The following TUBGCP3 variants were observed in gnomAD, a reference collection of about 807,000 sequenced individuals.
The protein encoded by TUBGCP3 is tubulin gamma complex component 3.
A neutral mutation model predicts 123.1 loss-of-function variants in TUBGCP3; 50 were observed. The observed-to-expected ratio is 0.41, with a 90% CI of 0.32 to 0.51. The LOEUF (loss-of-function observed/expected upper bound fraction) is 0.51, where lower values mean the gene tolerates loss of function less well. Among genes scored for constraint, TUBGCP3 ranks in the 20% least tolerant of loss-of-function variants. The probability of loss-of-function intolerance (pLI) is 0.36; values close to 1 mark genes in which losing one functional copy is unlikely to be tolerated. For missense variants in TUBGCP3, 882 were observed against 1,127.0 expected, an observed-to-expected ratio of 0.78 and a Z score of 3.11; for synonymous variants, 405 against 413.9, an observed-to-expected ratio of 0.98 and a Z score of 0.26.
chr13:112,568,740 G>A (rs1211644329), intron 2 of TUBGCP3, among the ~76,000 whole-genome samples: 1 of 152,246 alleles, frequency 6.6e-6, no homozygotes, highest in Admixed American at 6.5e-5. Flanking sequence ...TAAGGATGAA[G>A]AGCTGGCCAC....
the TUBGCP3 span, among the ~76,000 whole-genome samples, chr13:112,596,102 C>A: frequency 6.6e-6 from 1 of 152,154 alleles, no homozygotes; most frequent in Non-Finnish European, 1.5e-5. Flanking sequence ...ATAAATATTT[C>A]CTCTACAAAC....
intron 5 of TUBGCP3, 58 bp from the exon 6 acceptor site, chr13:112,556,282 G>A (rs946179110): frequency 6.5e-7 from 1 of 1,530,612 alleles, no homozygotes; most frequent in African/African-American, 1.4e-5. Context: ...AGACAAAAGT[G>A]TCCCTAGAAA....
At chr13:112,547,315 A>T in intron 10 of TUBGCP3, 1 of 405,616 alleles carries the variant, frequency 2.5e-6, no homozygotes, top group Non-Finnish European at 4.3e-6. Flanking sequence ...CTCCATCTCA[A>T]TGCCAGCCCG....
chr13:112,501,031 C>G (rs1880869177), intron 19 of TUBGCP3, among the ~76,000 whole-genome samples: 1 of 152,214 alleles, frequency 6.6e-6, no homozygotes, highest in African/African-American at 2.4e-5. Context: ...CTCTCTTTCA[C>G]TTACTACAAT....
rs542613425 is a variant in TUBGCP3, at chr13:112,588,103, G to A, written c.-123C>T. The A allele has an allele frequency of 2.9e-5, 24 of 836,184 alleles. No individual in the cohort carries two copies. Among genetic ancestry groups the A allele is most frequent in the East Asian group, 2.0e-4 (6 of 29,550 alleles). The allele number at this position is 836,184 out of a possible 1,614,324, so 51.8% of individuals were successfully genotyped here. A position where few individuals can be genotyped will look rare whatever the true frequency, so the allele number is the denominator to read the frequency against. ...CCCTGCTCCTGACAGGCTAAGGCGC[G>A]GGCGCCGCCGGCCACCAGGGCGCCA... On this transcript the variant is annotated 5_prime_UTR_variant, in exon 1 of 22. Coordinates refer to ENST00000261965, the MANE Select transcript of TUBGCP3 (RefSeq NM_006322.6).
rs146770476 is a variant in TUBGCP3, at chr13:112,490,008, C to T, written c.2449-311G>A. On this transcript the variant is annotated intron_variant, in intron 20 of 21. Transcript: ENST00000261965. ...TTTCATGGGATGAACAGCCTTCTATCCTTCCCTCGTGCTGTACACGTTTTT... is the reference window on the plus strand; with the variant it reads ...TTTCATGGGATGAACAGCCTTCTATTCTTCCCTCGTGCTGTACACGTTTTT... Among the ~76,000 whole-genome samples the T allele has an allele frequency of 3.8e-4, 58 of 150,812 alleles. 1 individual carries two copies. Among genetic ancestry groups the T allele is most frequent in the Middle Eastern group, 6.8e-3 (2 of 294 alleles).
At chr13:112,551,974 T>C (rs1365084827) in intron 8 of TUBGCP3, among the ~76,000 whole-genome samples, 3 of 152,086 alleles carry the variant, frequency 2.0e-5, no homozygotes, top group Non-Finnish European at 4.4e-5. Context: ...CTAGATCCCT[T>C]GAATGCACGG....
intron 17 of TUBGCP3, among the ~76,000 whole-genome samples, chr13:112,506,393 G>A (rs934344927): frequency 5.9e-5 from 9 of 152,170 alleles, no homozygotes; most frequent in African/African-American, 1.2e-4. Flanking sequence ...TACTTACAAA[G>A]TTTACAACTC....
chr13:112,523,492 T>C (rs556858019), intron 13 of TUBGCP3, among the ~76,000 whole-genome samples: 101 of 152,366 alleles, frequency 6.6e-4, no homozygotes, highest in South Asian at 1.7e-3. Context: ...ACTGTAGTTA[T>C]CTGAGGATGA....
At chr13:112,547,392 T>A (rs1365628481) in intron 10 of TUBGCP3, 3 of 652,780 alleles carry the variant, frequency 4.6e-6, no homozygotes, top group Admixed American at 8.4e-5. Context: ...CTCCCATCTG[T>A]CGATTCCTAT....
intron 11 of TUBGCP3, among the ~76,000 whole-genome samples, chr13:112,539,927 C>G (rs1878369394): frequency 7.0e-6 from 1 of 143,392 alleles, no homozygotes; most frequent in African/African-American, 2.7e-5. Flanking sequence ...TTCAGGTGGT[C>G]TTGGGAAAGG....
Position 112,558,318 on chromosome 13 carries a change from G to A in TUBGCP3, c.426C>T (p.Ser142=). 2 of 1,614,010 alleles carry A rather than the reference G, an allele frequency of 1.2e-6. No homozygotes were observed. Among genetic ancestry groups the A allele is most frequent in the South Asian group, 1.1e-5 (1 of 91,066 alleles). The part of the protein sequence containing the change: ...YYARPQTLPL[S]YQDRSAQSAQ... Reference sequence around the variant, plus strand: ...CTGACTGGGCACTCCGATCTTGGTAGCTCAGGGGAAGGGTCTGAGGCCTGG... The same window carrying A: ...CTGACTGGGCACTCCGATCTTGGTAACTCAGGGGAAGGGTCTGAGGCCTGG... Residue 142 remains serine, a synonymous_variant, in exon 5 of 22, where the codon AGC becomes AGT. Transcript: ENST00000261965.
chr13:112,489,915 T>C lies in TUBGCP3; in HGVS notation c.2449-218A>G, dbSNP rs575753424. 81 of 564,304 alleles carry C rather than the reference T, an allele frequency of 1.4e-4. No homozygotes were observed. The African/African-American group carries it at 1.5e-3, about 10-fold the overall frequency. 35.0% of individuals were successfully genotyped at this position (564,304 alleles called of 1,614,324 possible). On this transcript the variant is annotated intron_variant, in intron 20 of 21. Transcript: ENST00000261965. The stretch of plus-strand genomic sequence containing the variant: ...TTGAAAATATTTCATATGAACACAT[T>C]TGAGACTGCCTCTGTTGTTTTTAAT...
intron 3 of TUBGCP3, 54 bp downstream of exon 3, chr13:112,565,057 A>ACTCAT: frequency 6.8e-7 from 1 of 1,480,452 alleles, no homozygotes; most frequent in African/African-American, 1.4e-5. Flanking sequence ...TTCCTATACC[A>ACTCAT]CTCATCATAT....
chr13:112,578,415 CGGGCGTGGTGGT>C (rs1319131561), intron 1 of TUBGCP3, among the ~76,000 whole-genome samples: 7 of 150,132 alleles, frequency 4.7e-5, no homozygotes, highest in African/African-American at 1.7e-4. Context: ...AAAAATTAGC[CGGGCGTGGTGGT>C]GGGCGCCTGT....
intron 21 of TUBGCP3, among the ~76,000 whole-genome samples, chr13:112,487,492 G>T (rs956210744): frequency 4.6e-5 from 7 of 152,210 alleles, no homozygotes; most frequent in Admixed American, 2.6e-4. Flanking sequence ...GAACATCGTT[G>T]TCTCAGAAAT....
intron 8 of TUBGCP3, among the ~76,000 whole-genome samples, chr13:112,553,626 C>T (rs1175790367): frequency 6.6e-6 from 1 of 152,216 alleles, no homozygotes; most frequent in Non-Finnish European, 1.5e-5. Context: ...TCTCCAGCTT[C>T]GGCAGTGTTC....
At chr13:112,604,511 TG>T in the TUBGCP3 span, 1 of 152,296 alleles carries the variant, frequency 6.6e-6, no homozygotes, top group Non-Finnish European at 1.5e-5. Flanking sequence ...TTGCCTAGAC[TG>T]GTCTCGAACT....
rs765394120 is a variant in TUBGCP3, at chr13:112,547,765, A to G, written c.1036-13T>C. ...CCTCTAGTTGTAGCTAAAAAACAATAAAGATAGAAATGTTTAAGTACAAAT... is the reference window on the plus strand; with the variant it reads ...CCTCTAGTTGTAGCTAAAAAACAATGAAGATAGAAATGTTTAAGTACAAAT... On this transcript the variant is annotated splice_polypyrimidine_tract_variant and intron_variant, in intron 9 of 21. Coordinates refer to ENST00000261965, the MANE Select transcript of TUBGCP3 (RefSeq NM_006322.6). 3 of 1,448,246 alleles carry G rather than the reference A, an allele frequency of 2.1e-6. No individual in the cohort carries two copies. In the East Asian group the frequency reaches 7.2e-5, roughly 35 times the overall value. The allele number at this position is 1,448,246 out of a possible 1,614,324, so 89.7% of individuals were successfully genotyped here.
Sources: gnomAD v4.1 joint callset for allele counts (sites outside exome capture counted in the v4.1 genomes callset) on GRCh38, gnomAD v4.1.1 for gene constraint, MANE v1.5 for transcripts, NCBI Gene and HGNC (gene_info 2026-07-23, HGNC 2026-07-21) for gene names.